ETV6: variants seen among roughly 807,000 people sequenced by gnomAD.
ETV6 encodes transcription factor ETV6.
Under a neutral mutation model 51.1 loss-of-function variants are expected in ETV6, and 16 were observed. The ratio of observed to expected loss-of-function variants is 0.31; its 90% CI spans 0.21 to 0.48. The LOEUF (loss-of-function observed/expected upper bound fraction) is 0.48, where lower values mean the gene tolerates loss of function less well. ETV6 is among the 20% of genes least tolerant of loss of function. The pLI is 0.99. For missense variants in ETV6, 458 were observed against 594.8 expected (o/e 0.77, Z 2.39); for synonymous variants, 240 against 224.1 (o/e 1.07, Z -0.64).
chr12:11,841,131 G>C (rs978575374), intron 3 of ETV6, among the ~76,000 whole-genome samples: 1 of 152,140 alleles, frequency 6.6e-6, no homozygotes, highest in African/African-American at 2.4e-5. Flanking sequence ...CTTTTTTATA[G>C]CTGGTTTATT....
chr12:11,754,589 CATACA>C (rs1230648197), intron 2 of ETV6, among the ~76,000 whole-genome samples: 26 of 152,362 alleles, frequency 1.7e-4, no homozygotes, highest in Middle Eastern at 3.4e-3. Context: ...GTTCTCCTAG[CATACA>C]ATACTGTGTG....
chr12:11,711,989 A>T (rs1350449446), intron 1 of ETV6, among the ~76,000 whole-genome samples: 2 of 151,940 alleles, frequency 1.3e-5, no homozygotes, highest in Admixed American at 6.6e-5. Flanking sequence ...TGTGTTTTTT[A>T]GTCCTAAAAT....
intron 3 of ETV6, among the ~76,000 whole-genome samples, chr12:11,844,327 C>T (rs1212069747): frequency 2.0e-5 from 3 of 152,150 alleles, no homozygotes; most frequent in African/African-American, 7.2e-5. Context: ...TTCAGCAAAA[C>T]TGTATTGGGG....
chr12:11,672,236 C>A (rs746115132), intron 1 of ETV6, among the ~76,000 whole-genome samples: 45 of 152,100 alleles, frequency 3.0e-4, no homozygotes, highest in Non-Finnish European at 4.9e-4. Flanking sequence ...CAACTCCCAA[C>A]CCAAATCGAA....
At chr12:11,684,211 A>G (rs965468979) in intron 1 of ETV6, among the ~76,000 whole-genome samples, 1 of 152,270 alleles carries the variant, frequency 6.6e-6, no homozygotes, top group African/African-American at 2.4e-5. Flanking sequence ...AAATAATTGT[A>G]AATGATAAAG....
At chr12:11,718,419 C>T (rs1865319915) in intron 1 of ETV6, among the ~76,000 whole-genome samples, 1 of 151,966 alleles carries the variant, frequency 6.6e-6, no homozygotes, top group South Asian at 2.1e-4. Context: ...ATGTAGGGCT[C>T]CTTGTTCAAA....
chr12:11,886,385 AC>A (rs1352389929), intron 7 of ETV6, among the ~76,000 whole-genome samples: 2 of 152,194 alleles, frequency 1.3e-5, no homozygotes, highest in Admixed American at 1.3e-4. Context: ...CTGTAAGGCA[AC>A]TTTCTGAACC....
intron 3 of ETV6, among the ~76,000 whole-genome samples, chr12:11,851,864 G>C (rs1379773156): frequency 6.6e-6 from 1 of 152,124 alleles, no homozygotes; most frequent in Non-Finnish European, 1.5e-5. Flanking sequence ...AGGAGCAGGA[G>C]TTTGTAGAAA....
intron 5 of ETV6, among the ~76,000 whole-genome samples, chr12:11,879,909 A>G (rs1947060216): frequency 6.6e-6 from 1 of 152,146 alleles, no homozygotes; most frequent in African/African-American, 2.4e-5. Context: ...AAAAGGCTGA[A>G]AAATTCCAGG....
intron 1 of ETV6, among the ~76,000 whole-genome samples, chr12:11,675,360 G>T (rs184898443): frequency 6.6e-6 from 1 of 152,210 alleles, no homozygotes; most frequent in East Asian, 1.9e-4. Context: ...ATATTTTAAA[G>T]TATTACCTAT....
At chr12:11,693,488 C>G (rs896724543) in intron 1 of ETV6, among the ~76,000 whole-genome samples, 2 of 152,212 alleles carry the variant, frequency 1.3e-5, no homozygotes, top group Non-Finnish European at 2.9e-5. Flanking sequence ...GCTAAGAGGA[C>G]AGGCCTGACC....
At chr12:11,744,863 T>C (rs1460847697) in intron 1 of ETV6, among the ~76,000 whole-genome samples, 1 of 152,090 alleles carries the variant, frequency 6.6e-6, no homozygotes, top group East Asian at 1.9e-4. Context: ...ATCACAGTTT[T>C]ACTTTCCGCT....
chr12:11,690,720 C>T (rs1490195863), intron 1 of ETV6, among the ~76,000 whole-genome samples: 1 of 151,944 alleles, frequency 6.6e-6, no homozygotes, highest in Middle Eastern at 3.2e-3. Flanking sequence ...AACCCCATCT[C>T]TACTAAAAAT....
chr12:11,835,010 A>G (rs564903414), intron 2 of ETV6, among the ~76,000 whole-genome samples: 2 of 152,314 alleles, frequency 1.3e-5, no homozygotes, highest in East Asian at 3.9e-4. Context: ...TAGTTTAAGA[A>G]CATCTCAGAA....
intron 1 of ETV6, among the ~76,000 whole-genome samples, chr12:11,699,839 G>A (rs557582587): frequency 5.1e-4 from 78 of 152,240 alleles, no homozygotes; most frequent in African/African-American, 1.7e-3. Flanking sequence ...CACTAGGGAG[G>A]ATGCAAAGGT....
intron 2 of ETV6, among the ~76,000 whole-genome samples, chr12:11,807,849 T>G (rs567577329): frequency 1.3e-5 from 2 of 152,336 alleles, no homozygotes; most frequent in South Asian, 4.1e-4. Context: ...CAAATCACCC[T>G]TTCTCCTGGT....
intron 2 of ETV6, among the ~76,000 whole-genome samples, chr12:11,793,006 A>G (rs1310350702): frequency 6.6e-6 from 1 of 152,128 alleles, no homozygotes; most frequent in Non-Finnish European, 1.5e-5. Flanking sequence ...AAGAATGACG[A>G]AATTCACATC....
At chr12:11,780,456 C>G (rs1945396999) in intron 2 of ETV6, among the ~76,000 whole-genome samples, 1 of 151,708 alleles carries the variant, frequency 6.6e-6, no homozygotes, top group Admixed American at 6.6e-5. Flanking sequence ...AACTTAATCA[C>G]AGAGAAAAAA....
At chr12:11,759,210 T>G (rs1419951319) in intron 2 of ETV6, among the ~76,000 whole-genome samples, 1 of 152,156 alleles carries the variant, frequency 6.6e-6, no homozygotes, top group Non-Finnish European at 1.5e-5. Flanking sequence ...TACTGACCTT[T>G]TCTTTCACTT....
Sources: gnomAD v4.1 joint callset for allele counts (sites outside exome capture counted in the v4.1 genomes callset) on GRCh38, gnomAD v4.1.1 for gene constraint, MANE v1.5 for transcripts, NCBI Gene and HGNC (gene_info 2026-07-23, HGNC 2026-07-21) for gene names.